The following ADAD1 variants were observed in gnomAD, a reference collection of about 807,000 sequenced individuals.
ADAD1 encodes the protein adenosine deaminase domain containing 1, also known as adenosine deaminase domain-containing protein 1.
In ADAD1, 46 loss-of-function variants were observed where a neutral mutation model predicts 66.8. The observed-to-expected ratio is 0.69, with a 90% CI of 0.54 to 0.88. The LOEUF (loss-of-function observed/expected upper bound fraction) is 0.88, where lower values mean the gene tolerates loss of function less well. ADAD1 is among the 40% of genes least tolerant of loss of function. The pLI is 0.00. For missense variants in ADAD1, 617 were observed against 681.8 expected (o/e 0.91, Z 1.06); for synonymous variants, 248 against 229.4 (o/e 1.08, Z -0.73).
At chr4:122,380,831 G>A (rs1043015869) in intron 3 of ADAD1, among the ~76,000 whole-genome samples, 161 bp from the exon 4 acceptor site, 5 of 152,122 alleles carry the variant, frequency 3.3e-5, no homozygotes, top group African/African-American at 1.2e-4. Context: ...ATAACATGTG[G>A]TGCTTGTCAT....
At chr4:122,388,452 C>T (rs1477733998) in intron 5 of ADAD1, among the ~76,000 whole-genome samples, 1 of 152,132 alleles carries the variant, frequency 6.6e-6, no homozygotes, top group Admixed American at 6.5e-5. Context: ...GTACCAGCTC[C>T]TCTTTGTATT....
At chr4:122,417,615 A>G (rs1214410815) in intron 11 of ADAD1, among the ~76,000 whole-genome samples, 1 of 152,218 alleles carries the variant, frequency 6.6e-6, no homozygotes, top group Non-Finnish European at 1.5e-5. Flanking sequence ...CAGGTGGACA[A>G]AACAGTAAAC....
chr4:122,412,946 T>C, intron 10 of ADAD1, 137 bp downstream of exon 10: 1 of 674,800 alleles, frequency 1.5e-6, no homozygotes, highest in Non-Finnish European at 2.5e-6. Flanking sequence ...ATCTGCTGTT[T>C]TGTAGAGCTG....
At chr4:122,415,947 A>C (rs910684187) in intron 11 of ADAD1, among the ~76,000 whole-genome samples, 8 of 152,096 alleles carry the variant, frequency 5.3e-5, no homozygotes, top group Non-Finnish European at 1.2e-4. Flanking sequence ...TAGTATTAGA[A>C]TCATGTAAAT....
chr4:122,393,566 T>C lies in ADAD1; in HGVS notation c.530-23T>C, dbSNP rs770666719. ...TGGAATGTTGAAGTTTCATGTTTCC[T>C]TATGTTTTTGTTTTGTTTACAGGTC... On this transcript the variant is annotated intron_variant, in intron 5 of 12. Coordinates refer to ENST00000296513, the MANE Select transcript of ADAD1 (RefSeq NM_139243.4). 6 of 1,561,918 alleles carry C rather than the reference T, an allele frequency of 3.8e-6. No individual in the cohort carries two copies. The East Asian group carries it at 1.4e-4, about 36-fold the overall frequency.
At chr4:122,383,225 C>T (rs959487306) in intron 4 of ADAD1, among the ~76,000 whole-genome samples, 4 of 151,954 alleles carry the variant, frequency 2.6e-5, no homozygotes, top group African/African-American at 9.7e-5. Flanking sequence ...CCTCTCTCTC[C>T]CCACCTCCTC....
chr4:122,411,992 GATGA>G (rs1290433827), intron 9 of ADAD1, among the ~76,000 whole-genome samples: 5 of 152,182 alleles, frequency 3.3e-5, no homozygotes, highest in Middle Eastern at 3.4e-3. Context: ...TTATTGCTTT[GATGA>G]ATGAATATCA....
At chr4:122,413,539 C>A (rs889850001) in intron 10 of ADAD1, among the ~76,000 whole-genome samples, 4 of 151,894 alleles carry the variant, frequency 2.6e-5, no homozygotes, top group Non-Finnish European at 5.9e-5. Context: ...ATTATTTTTT[C>A]TGCTTAAGTA....
intron 6 of ADAD1, 118 bp from the exon 7 acceptor site, chr4:122,396,134 T>G (rs1795700230): frequency 1.2e-6 from 1 of 816,648 alleles, no homozygotes; most frequent in East Asian, 3.6e-5. Context: ...ATTATAAATT[T>G]GCTTACAGAT....
intron 12 of ADAD1, among the ~76,000 whole-genome samples, chr4:122,427,523 CTTTTT>C (rs59864757): frequency 6.9e-5 from 5 of 71,980 alleles, no homozygotes; most frequent in African/African-American, 2.3e-4. Context: ...ATCCAAAGGC[CTTTTT>C]TTTTTTTTTT....
chr4:122,400,588 C>T (rs544619089), intron 7 of ADAD1, among the ~76,000 whole-genome samples: 128 of 152,080 alleles, frequency 8.4e-4, no homozygotes, highest in Non-Finnish European at 1.5e-3. Flanking sequence ...GGTACCAATT[C>T]TTCTTTGAAT....
At position 122,394,661 on chromosome 4, in the gene ADAD1, AG is replaced by A. The variant is rs554716602; in HGVS notation, c.598+1007del. 2.4e-3 allele frequency among the ~76,000 whole-genome samples: 372 copies of A among 152,324 alleles called. 1 individual carries two copies. The highest frequency in any genetic ancestry group is 8.7e-3 in the African/African-American group (361 of 41,568). On this transcript the variant is annotated intron_variant, in intron 6 of 12. Coordinates refer to ENST00000296513, the MANE Select transcript of ADAD1 (RefSeq NM_139243.4). ...AAGAACTGATGAAGAGAGGGCAATG[AG>A]GGATCAGTCCTACAGCAGTGATCTC...
At chr4:122,414,275 T>TTG (rs373710214) in intron 10 of ADAD1, among the ~76,000 whole-genome samples, 3 of 93,212 alleles carry the variant, frequency 3.2e-5, no homozygotes, top group South Asian at 6.2e-4. Context: ...TCTTTTTTTT[T>TTG]GGGGGGGGGG....
intron 11 of ADAD1, among the ~76,000 whole-genome samples, chr4:122,420,305 G>T (rs1214090896): frequency 6.6e-6 from 1 of 152,152 alleles, no homozygotes; most frequent in Non-Finnish European, 1.5e-5. Context: ...GGTTTTTCTG[G>T]ATTTTCTTGG....
rs1301457463 is a variant in ADAD1 at position 122,412,653 on chromosome 4, A to G, written c.1093A>G (p.Lys365Glu). Residue 365 changes from lysine (K) to glutamate (E), a missense_variant, in exon 10 of 13, where the codon AAA (lysine) becomes GAA (glutamate). Physicochemically the swap from Lys to Glu is moderately conservative, Grantham distance 56. Coordinates refer to ENST00000296513, the MANE Select transcript of ADAD1 (RefSeq NM_139243.4). ...ELCLHVAVEG[K>E]IYLTVYCPKD... ...CTGTCTCCACGTGGCTGTTGAAGGC[A>G]AAATTTATCTGACTGTTTACTGTCC... is the stretch of plus-strand genomic sequence containing the variant. 1.2e-6 allele frequency: 2 copies of G among 1,613,950 alleles called. No individual in the cohort carries two copies. The highest frequency in any genetic ancestry group is 1.7e-6 in the Non-Finnish European group (2 of 1,179,816).
intron 6 of ADAD1, among the ~76,000 whole-genome samples, chr4:122,395,903 G>C (rs1795687857): frequency 6.6e-6 from 1 of 152,142 alleles, no homozygotes; most frequent in South Asian, 2.1e-4. Flanking sequence ...GCATTCAGTG[G>C]GGTGCTGGTC....
chr4:122,419,519 C>T (rs1050203984), intron 11 of ADAD1, among the ~76,000 whole-genome samples: 2 of 152,184 alleles, frequency 1.3e-5, no homozygotes, highest in East Asian at 1.9e-4. Flanking sequence ...ACATGTACCC[C>T]TGAACTTAAA....
chr4:122,406,917 G>A (rs1449526771), intron 7 of ADAD1, among the ~76,000 whole-genome samples: 2 of 152,104 alleles, frequency 1.3e-5, no homozygotes, highest in South Asian at 2.1e-4. Context: ...TTCCTTCAAA[G>A]CACTTATCAC....
chr4:122,393,766 C>T lies in ADAD1; in HGVS notation c.598+109C>T, dbSNP rs1795567261. 4.0e-6 allele frequency: 3 copies of T among 756,816 alleles called. No individual in the cohort carries two copies. The African/African-American group carries it at 5.4e-5, about 14-fold the overall frequency. 46.9% of individuals were successfully genotyped at this position (756,816 alleles called of 1,614,324 possible). Reference sequence around the variant, plus strand: ...ATGAAAATGTACATTAACACTTTATCATCCAAACCTTTCACACTTCTACAA... The same window carrying T: ...ATGAAAATGTACATTAACACTTTATTATCCAAACCTTTCACACTTCTACAA... On this transcript the variant is annotated intron_variant, in intron 6 of 12. Transcript: ENST00000296513.
Sources: allele counts gnomAD v4.1 joint callset (sites outside exome capture counted in the v4.1 genomes callset), GRCh38; gene constraint gnomAD v4.1.1; transcripts MANE v1.5; gene names NCBI Gene and HGNC (gene_info 2026-07-23, HGNC 2026-07-21).